The following DLG2 variants were observed in gnomAD, a reference collection of about 807,000 sequenced individuals.
DLG2 encodes discs large MAGUK scaffold protein 2.
A neutral mutation model predicts 132.5 loss-of-function variants in DLG2; 45 were observed. The ratio of observed to expected loss-of-function variants is 0.34; its 90% confidence interval spans 0.27 to 0.44. The LOEUF (loss-of-function observed/expected upper bound fraction) is 0.44, where lower values mean the gene tolerates loss of function less well. Ranked by LOEUF, DLG2 falls within the 20% of genes least tolerant of loss-of-function variation. The pLI is 1.00. For missense variants in DLG2, 1,045 were observed against 1,196.9 expected, an observed-to-expected ratio of 0.87 and a Z score of 1.87; for synonymous variants, 424 against 419.6, an observed-to-expected ratio of 1.01 and a Z score of -0.13.
chr11:85,099,105 T>C (rs1294749980), intron 6 of DLG2, among the ~76,000 whole-genome samples: 1 of 152,200 alleles, frequency 6.6e-6, no homozygotes, highest in Non-Finnish European at 1.5e-5. Flanking sequence ...TGTTAAAAGT[T>C]TTCTTCGGGC....
At chr11:84,075,618 T>C (rs1391005314) in intron 10 of DLG2, among the ~76,000 whole-genome samples, 1 of 152,132 alleles carries the variant, frequency 6.6e-6, no homozygotes, top group Non-Finnish European at 1.5e-5. Flanking sequence ...CTGCCAAAGG[T>C]TGTGAGCAAT....
intron 6 of DLG2, chr11:85,021,288 C>A (rs762098585): frequency 1.6e-6 from 2 of 1,270,766 alleles, no homozygotes; most frequent in East Asian, 4.6e-5. Flanking sequence ...GACTGTACAT[C>A]CTATCATAAT....
intron 7 of DLG2, among the ~76,000 whole-genome samples, chr11:84,392,607 C>A (rs2098796457): frequency 6.6e-6 from 1 of 152,176 alleles, no homozygotes; most frequent in Middle Eastern, 3.2e-3. Flanking sequence ...TGAACACTTA[C>A]TATGTATCAG....
At chr11:85,402,487 A>C (rs1312362364) in intron 3 of DLG2, among the ~76,000 whole-genome samples, 1 of 152,220 alleles carries the variant, frequency 6.6e-6, no homozygotes, top group Non-Finnish European at 1.5e-5. Flanking sequence ...CAAACTAGAC[A>C]AATGGGATCT....
chr11:83,740,150 A>G (rs1566776846), intron 18 of DLG2, among the ~76,000 whole-genome samples: 1 of 152,208 alleles, frequency 6.6e-6, no homozygotes, highest in Non-Finnish European at 1.5e-5. Context: ...CATACTCTAC[A>G]TTCCAGCAAT....
rs556528436 is a variant in DLG2 at position 84,376,352 on chromosome 11, T to C, written c.520-125061A>G. ...GGATGAAGGCAGGGAGGTGAAGGGA[T>C]GAAATATTAAAAATAAATTTTAGGA... On this transcript the variant is annotated intron_variant, in intron 7 of 27. Transcript: ENST00000376104. 5.9e-5 allele frequency among the ~76,000 whole-genome samples: 9 copies of C among 152,040 alleles called. No homozygotes were observed. The South Asian group carries it at 1.9e-3, about 31-fold the overall frequency.
At chr11:85,305,393 C>T (rs560088525) in intron 3 of DLG2, among the ~76,000 whole-genome samples, 1 of 152,310 alleles carries the variant, frequency 6.6e-6, no homozygotes, top group Non-Finnish European at 1.5e-5. Context: ...CCACTTGTCA[C>T]CAACGAAACA....
chr11:85,182,396 AT>A (rs1197242564), intron 4 of DLG2, among the ~76,000 whole-genome samples: 1 of 151,956 alleles, frequency 6.6e-6, no homozygotes, highest in Non-Finnish European at 1.5e-5. Flanking sequence ...TAAGAATTAT[AT>A]TCTTTATTCA....
chr11:84,164,588 G>C (rs934339149), intron 8 of DLG2, among the ~76,000 whole-genome samples: 1 of 152,146 alleles, frequency 6.6e-6, no homozygotes, highest in Non-Finnish European at 1.5e-5. Context: ...AAAATAATGA[G>C]GGAAAAGATA....
At chr11:84,395,131 T>A (rs1392578776) in intron 7 of DLG2, among the ~76,000 whole-genome samples, 2 of 152,228 alleles carry the variant, frequency 1.3e-5, no homozygotes, top group Non-Finnish European at 2.9e-5. Flanking sequence ...ACTTCTCAAC[T>A]TGTTTTTAAT....
intron 7 of DLG2, among the ~76,000 whole-genome samples, chr11:84,375,656 G>C (rs901253188): frequency 2.6e-5 from 4 of 151,228 alleles, no homozygotes; most frequent in African/African-American, 9.8e-5. Context: ...GCCTTTGGAA[G>C]AGCAACTGGA....
chr11:83,987,370 A>G (rs2093401019), intron 11 of DLG2, among the ~76,000 whole-genome samples: 1 of 152,162 alleles, frequency 6.6e-6, no homozygotes, highest in African/African-American at 2.4e-5. Context: ...TGGGACCAAA[A>G]AAGAGCCCGC....
intron 6 of DLG2, among the ~76,000 whole-genome samples, chr11:84,630,979 T>TTCTCTC (rs369904915): frequency 0.02 from 999 of 50,850 alleles, 12 homozygotes; most frequent in Admixed American, 0.03. Flanking sequence ...TTAAATGCAT[T>TTCTCTC]TCTCTCTCTC....
intron 7 of DLG2, among the ~76,000 whole-genome samples, chr11:84,283,169 T>C (rs550708999): frequency 6.6e-6 from 1 of 152,338 alleles, no homozygotes; most frequent in Admixed American, 6.5e-5. Flanking sequence ...ACTAAAATTA[T>C]AACAATGCAT....
rs150488490 is a variant in DLG2, at chr11:85,064,352, C to G, written c.357+47309G>C. Among the ~76,000 whole-genome samples, 11 of 151,780 alleles carry G rather than the reference C, an allele frequency of 7.2e-5. No individual in the cohort carries two copies. In the East Asian group the frequency reaches 1.8e-3, roughly 24 times the overall value. ...AAGGTCACTATAAAATGCACATTTG[C>G]CTATATATAAAATCATCATATTGCA... On this transcript the variant is annotated intron_variant, in intron 6 of 27. Coordinates refer to ENST00000376104, the MANE Select transcript of DLG2 (RefSeq NM_001142699.3).
chr11:85,303,331 C>T (rs1271505507), intron 3 of DLG2, among the ~76,000 whole-genome samples: 4 of 152,246 alleles, frequency 2.6e-5, no homozygotes, highest in South Asian at 4.1e-4. Context: ...TCTCTGGCAT[C>T]TTACTGTACA....
At chr11:84,225,963 A>AC (rs2096986266) in intron 8 of DLG2, among the ~76,000 whole-genome samples, 1 of 152,098 alleles carries the variant, frequency 6.6e-6, no homozygotes. Context: ...GGCACAGGCC[A>AC]CCACGCCTGG....
intron 14 of DLG2, among the ~76,000 whole-genome samples, chr11:83,936,617 T>C (rs2081495166): frequency 6.6e-6 from 1 of 152,246 alleles, no homozygotes; most frequent in African/African-American, 2.4e-5. Context: ...TTGAGGAGTT[T>C]ATTGGAAGAT....
intron 3 of DLG2, among the ~76,000 whole-genome samples, chr11:85,405,223 G>T (rs913518322): frequency 1.4e-4 from 22 of 151,970 alleles, no homozygotes; most frequent in Non-Finnish European, 2.9e-5. Flanking sequence ...TAAAATGAAT[G>T]ATTTGAATAG....
Sources: gnomAD v4.1 joint callset for allele counts (sites outside exome capture counted in the v4.1 genomes callset) on GRCh38, gnomAD v4.1.1 for gene constraint, MANE v1.5 for transcripts, NCBI Gene and HGNC (gene_info 2026-07-23, HGNC 2026-07-21) for gene names.